The following PRUNE2 variants were observed in gnomAD, a reference collection of about 807,000 sequenced individuals.
PRUNE2 encodes the protein prune homolog 2 with BCH domain, also known as protein prune homolog 2.
Under a neutral mutation model 252.0 loss-of-function variants are expected in PRUNE2, and 164 were observed. That is an observed-to-expected ratio of 0.65 (90% CI 0.57 to 0.74). The LOEUF is 0.74. Among genes scored for constraint, PRUNE2 ranks in the 30% least tolerant of loss-of-function variants. The pLI is 0.00. For missense variants in PRUNE2, 3,495 were observed against 3,711.0 expected, an observed-to-expected ratio of 0.94 and a Z score of 1.51; for synonymous variants, 1,292 against 1,350.2, an observed-to-expected ratio of 0.96 and a Z score of 0.94.
chr9:76,671,265 T>C (rs977550298), intron 9 of PRUNE2, among the ~76,000 whole-genome samples: 1 of 145,950 alleles, frequency 6.9e-6, no homozygotes, highest in Non-Finnish European at 1.5e-5. Context: ...TGCAGAAGCC[T>C]CAGGAGCCGA....
At chr9:76,690,798 A>G (rs2044635695) in intron 9 of PRUNE2, among the ~76,000 whole-genome samples, 1 of 152,194 alleles carries the variant, frequency 6.6e-6, no homozygotes, top group African/African-American at 2.4e-5. Context: ...GCTGACTTCC[A>G]ATGACAATAA....
At chr9:76,742,526 G>A (rs1289195842) in intron 6 of PRUNE2, among the ~76,000 whole-genome samples, 1 of 151,984 alleles carries the variant, frequency 6.6e-6, no homozygotes, top group Non-Finnish European at 1.5e-5. Flanking sequence ...GCTGAGGTAG[G>A]AGCATTACTT....
At chr9:76,839,804 A>AG (rs369022556) in intron 4 of PRUNE2, among the ~76,000 whole-genome samples, 66 of 152,358 alleles carry the variant, frequency 4.3e-4, no homozygotes, top group African/African-American at 1.5e-3. Context: ...GAAAATGTAG[A>AG]GGGAGTCATG....
At chr9:76,767,748 C>T (rs1034391899) in intron 6 of PRUNE2, among the ~76,000 whole-genome samples, 19 of 152,252 alleles carry the variant, frequency 1.2e-4, no homozygotes, top group African/African-American at 4.6e-4. Context: ...ATCCAGCCTG[C>T]CCAGCACAAG....
chr9:76,740,466 A>AAAAG (rs2049515964), intron 6 of PRUNE2: 1 of 151,430 alleles, frequency 6.6e-6, no homozygotes, highest in South Asian at 2.1e-4. Flanking sequence ...AAAAAAAAAA[A>AAAAG]GATTTAGGCA....
chr9:76,851,281 T>C (rs1051237374), intron 2 of PRUNE2, among the ~76,000 whole-genome samples: 3 of 152,132 alleles, frequency 2.0e-5, no homozygotes, highest in Middle Eastern at 3.4e-3. Context: ...GGTGCGATGG[T>C]TCATGCCCGT....
rs750663760 is a variant in PRUNE2 at position 76,705,814 on chromosome 9, C to T, written c.6460G>A (p.Val2154Ile). The T allele has an allele frequency of 3.1e-6, 5 of 1,613,580 alleles. 1 individual carries two copies. Among genetic ancestry groups the T allele is most frequent in the African/African-American group, 2.7e-5 (2 of 74,910 alleles). The change falls in exon 8 of 19, where the codon GTC becomes ATC. Residue 2154 changes from valine to isoleucine, a missense_variant. Val to Ile is a conservative substitution (Grantham distance 29). Coordinates refer to ENST00000376718, the MANE Select transcript of PRUNE2 (RefSeq NM_015225.3). ...EPIYEPGREF[V>I]PSNAELDSEN... ...GAATCGAGTTCTGCATTGGATGGGA[C>T]AAACTCCCGTCCAGGCTCATAAATG... is the stretch of plus-strand genomic sequence containing the variant.
intron 1 of PRUNE2, among the ~76,000 whole-genome samples, chr9:76,875,513 G>C (rs150033829): frequency 6.6e-6 from 1 of 152,018 alleles, no homozygotes; most frequent in South Asian, 2.1e-4. Flanking sequence ...CTACAGACAC[G>C]TGCCACCATG....
rs2063477400 is a variant in PRUNE2 at position 76,906,058 on chromosome 9, G to A, written c.-95C>T. The A allele has an allele frequency of 3.6e-6, 5 of 1,382,088 alleles. No homozygotes were observed. Among genetic ancestry groups the A allele is most frequent in the Admixed American group, 3.4e-5 (2 of 58,362 alleles). The allele number at this position is 1,382,088 out of a possible 1,614,324, so 85.6% of individuals were successfully genotyped here. ...GAGCGGGGTCCCGGGAAAGTGGCCC[G>A]CCGGGGCGCAGCGACCGACTGCTCC... On this transcript the variant is annotated 5_prime_UTR_variant, in exon 1 of 19. Coordinates refer to ENST00000376718, the MANE Select transcript of PRUNE2 (RefSeq NM_015225.3).
intron 12 of PRUNE2, chr9:76,641,968 T>C (rs1482393649): frequency 1.3e-6 from 2 of 1,513,332 alleles, no homozygotes; most frequent in Admixed American, 2.3e-5. Context: ...TCAGAGAAGG[T>C]TACCTGAATC....
intron 9 of PRUNE2, among the ~76,000 whole-genome samples, chr9:76,683,822 T>G (rs2043761213): frequency 6.6e-6 from 1 of 151,876 alleles, no homozygotes; most frequent in African/African-American, 2.4e-5. Context: ...TATATATATA[T>G]ATTTATGCCC....
chr9:76,636,240 A>AT (rs1239562125), intron 15 of PRUNE2, among the ~76,000 whole-genome samples: 1 of 152,164 alleles, frequency 6.6e-6, no homozygotes, highest in Non-Finnish European at 1.5e-5. Context: ...ATAGCAAGCA[A>AT]TTTAGAGGTC....
chr9:76,897,203 A>G (rs945193837), intron 1 of PRUNE2, among the ~76,000 whole-genome samples: 1 of 152,050 alleles, frequency 6.6e-6, no homozygotes, highest in Non-Finnish European at 1.5e-5. Flanking sequence ...TCACTAACTT[A>G]CCACTCAGCC....
rs2046391055 is a variant in PRUNE2 at position 76,707,441 on chromosome 9, T to C, written c.4833A>G (p.Glu1611=). ...TAGGAGTTTTGCGATCAAAGCTCTT[T>C]TCAAACTCATTTATTCTGTTTTTCT... ...DLEKNRINEF[E]KSFDRKTPTF... is the part of the protein sequence containing the mutation. The change falls in exon 8 of 19, where the codon GAA becomes GAG. Residue 1611 remains glutamate (E), a synonymous_variant. Transcript: ENST00000376718. The C allele has an allele frequency of 1.2e-6, 2 of 1,613,982 alleles. No individual in the cohort carries two copies. Among genetic ancestry groups the C allele is most frequent in the Non-Finnish European group, 1.7e-6 (2 of 1,179,876 alleles).
At chr9:76,867,621 C>T (rs182660812) in intron 1 of PRUNE2, among the ~76,000 whole-genome samples, 26 of 152,194 alleles carry the variant, frequency 1.7e-4, no homozygotes, top group African/African-American at 3.9e-4. Flanking sequence ...AAGGCTGGAG[C>T]GCGGTGGCAC....
At chr9:76,728,389 T>G (rs1432889895) in intron 6 of PRUNE2, among the ~76,000 whole-genome samples, 5 of 151,634 alleles carry the variant, frequency 3.3e-5, no homozygotes, top group South Asian at 4.2e-4. Flanking sequence ...GCCCACCCCA[T>G]GAGATTTAAA....
At position 76,637,527 on chromosome 9, in the gene PRUNE2, A is replaced by G. The variant is rs1339531857; in HGVS notation, c.8854T>C (p.Leu2952=). The G allele has an allele frequency of 1.2e-6, 2 of 1,613,130 alleles. No homozygotes were observed. The highest frequency in any genetic ancestry group is 8.5e-7 in the Non-Finnish European group (1 of 1,179,530). ...LFLYVISTLE[L]MVAEDYMIVY... is the part of the protein sequence containing the mutation. ...ATCATATAGTCTTCAGCTACCATCA[A>G]CTCTAAAGTACTTATTACATATCTG... The change falls in exon 14 of 19, where the codon TTG becomes CTG. Residue 2952 remains leucine, a synonymous_variant. Coordinates refer to ENST00000376718, the MANE Select transcript of PRUNE2 (RefSeq NM_015225.3).
chr9:76,881,620 C>CTTTTTT (rs528980648), intron 1 of PRUNE2, among the ~76,000 whole-genome samples: 13 of 142,228 alleles, frequency 9.1e-5, no homozygotes, highest in African/African-American at 3.1e-4. Context: ...CTGGACATTT[C>CTTTTTT]TTTTTTTTTT....
At chr9:76,654,959 T>C (rs1190876511) in intron 10 of PRUNE2, among the ~76,000 whole-genome samples, 1 of 152,140 alleles carries the variant, frequency 6.6e-6, no homozygotes, top group African/African-American at 2.4e-5. Context: ...TAAATTCCTT[T>C]TTGTGTATGC....
Sources: gnomAD v4.1 joint callset for allele counts (sites outside exome capture counted in the v4.1 genomes callset) on GRCh38, gnomAD v4.1.1 for gene constraint, MANE v1.5 for transcripts, NCBI Gene and HGNC (gene_info 2026-07-23, HGNC 2026-07-21) for gene names.